LIPA: variants seen among roughly 807,000 people sequenced by gnomAD.
The protein encoded by LIPA is lysosomal acid lipase/cholesteryl ester hydrolase.
Under a neutral mutation model 40.6 loss-of-function variants are expected in LIPA, and 26 were observed. That is an observed-to-expected ratio of 0.64 (90% CI 0.47 to 0.89). LIPA has a LOEUF of 0.89. LIPA is among the 40% of genes least tolerant of loss of function. LIPA has a pLI of 0.00. For synonymous variants in LIPA, 188 were observed against 168.4 expected (o/e 1.12, Z -0.90); for missense variants, 455 against 479.6 (o/e 0.95, Z 0.48).
chr10:89,364,509 C>T (rs1296328301), intron 2 of LIPA, among the ~76,000 whole-genome samples: 1 of 151,954 alleles, frequency 6.6e-6, no homozygotes, highest in African/African-American at 2.4e-5. Flanking sequence ...TTCTTAAGGC[C>T]CATCTCTCTC....
Position 89,303,420 on chromosome 10 carries a change from C to T in LIPA, c.-2+39191G>A, listed in dbSNP as rs562956726. Among the ~76,000 whole-genome samples the T allele has an allele frequency of 3.3e-5, 5 of 152,284 alleles. No individual in the cohort carries two copies. The East Asian group carries it at 9.6e-4, about 29-fold the overall frequency. On this transcript the variant is annotated intron_variant, in intron 1 of 5. Transcript: ENST00000282673. The stretch of plus-strand genomic sequence containing the variant: ...AGCCTGGTTGATAATGTCACTGTGG[C>T]TTTCATCCAGATAAGAGGCAAAGGA...
chr10:89,294,955 G>A (rs1364142942), intron 1 of LIPA, among the ~76,000 whole-genome samples: 1 of 151,112 alleles, frequency 6.6e-6, no homozygotes. Context: ...TCCAGCCTGG[G>A]TGACAGAGCA....
intron 3 of LIPA, among the ~76,000 whole-genome samples, chr10:89,244,338 A>C (rs1196602630): frequency 6.6e-6 from 1 of 152,242 alleles, no homozygotes; most frequent in African/African-American, 2.4e-5. Flanking sequence ...TTTGCTTTGA[A>C]TAACAATTTG....
chr10:89,229,323 A>G (rs1463039323), intron 3 of LIPA, among the ~76,000 whole-genome samples: 1 of 152,246 alleles, frequency 6.6e-6, no homozygotes, highest in Non-Finnish European at 1.5e-5. Flanking sequence ...GCCAGGGGTT[A>G]GGAGGGAGGA....
chr10:89,373,227 C>T (rs12267215), intron 2 of LIPA, among the ~76,000 whole-genome samples: 6,108 of 149,544 alleles, frequency 0.041, 262 homozygotes, highest in African/African-American at 0.1. Context: ...CCCAGCTACT[C>T]GGGAGGCTGA....
At chr10:89,399,477 T>C (rs1215738941) in intron 2 of LIPA, among the ~76,000 whole-genome samples, 1 of 152,214 alleles carries the variant, frequency 6.6e-6, no homozygotes, top group Non-Finnish European at 1.5e-5. Flanking sequence ...CAAAGCTTTT[T>C]CCTTTCTTCT....
chr10:89,360,293 C>A (rs1284354197), intron 2 of LIPA, among the ~76,000 whole-genome samples: 2 of 152,050 alleles, frequency 1.3e-5, no homozygotes, highest in Non-Finnish European at 2.9e-5. Flanking sequence ...AAAAGATGGC[C>A]CATGTTGGGG....
At chr10:89,308,889 T>G (rs2133524496) in intron 1 of LIPA, 1 of 152,362 alleles carries the variant, frequency 6.6e-6, no homozygotes, top group East Asian at 1.9e-4. Flanking sequence ...TCATATATTT[T>G]CATTAATAAA....
intron 2 of LIPA, among the ~76,000 whole-genome samples, chr10:89,409,617 T>C (rs1841455129): frequency 6.6e-6 from 1 of 152,172 alleles, no homozygotes; most frequent in Admixed American, 6.5e-5. Flanking sequence ...CAGGTATGTA[T>C]AACCATTGAG....
chr10:89,334,478 C>CTT lies in LIPA; in HGVS notation c.-2+8131_-2+8132dup, dbSNP rs578154457. 3.4e-3 allele frequency among the ~76,000 whole-genome samples: 87 copies of CTT among 25,316 alleles called. 5 individuals carry two copies. Among genetic ancestry groups the CTT allele is most frequent in the Admixed American group, 6.2e-3 (11 of 1,766 alleles). The allele number at this position is 25,316 out of a possible 152,430, so 16.6% of individuals were successfully genotyped here. On this transcript the variant is annotated intron_variant, in intron 1 of 5. Transcript: ENST00000282673. Reference sequence around the variant, plus strand: ...TGTTTTTTCTTCTTTTTCTTTTATTCTTTTTTTTTTTTTTTTTTTTTTTTT... The same window carrying CTT: ...TGTTTTTTCTTCTTTTTCTTTTATTCTTTTTTTTTTTTTTTTTTTTTTTTTTT...
intron 1 of LIPA, among the ~76,000 whole-genome samples, chr10:89,336,202 G>GA: frequency 1.3e-5 from 2 of 150,294 alleles, no homozygotes; most frequent in Middle Eastern, 6.8e-3. Flanking sequence ...AGGAAAGAAG[G>GA]AAAATAGGGA....
intron 1 of LIPA, among the ~76,000 whole-genome samples, chr10:89,286,650 GC>G (rs1453404126): frequency 6.6e-6 from 1 of 152,114 alleles, no homozygotes; most frequent in African/African-American, 2.4e-5. Context: ...ATGCTTTACA[GC>G]CCTAGACCCT....
intron 1 of LIPA, among the ~76,000 whole-genome samples, chr10:89,265,097 C>T (rs934603279): frequency 2.6e-5 from 4 of 152,282 alleles, no homozygotes; most frequent in Admixed American, 6.5e-5. Context: ...CACAGCAGCA[C>T]CTAGGCTTGG....
At chr10:89,412,463 C>G (rs1314750343) in intron 2 of LIPA, among the ~76,000 whole-genome samples, 1 of 152,140 alleles carries the variant, frequency 6.6e-6, no homozygotes, top group Non-Finnish European at 1.5e-5. Flanking sequence ...GACCAATCAG[C>G]AGGATATGGG....
chr10:89,255,531 C>G (rs1843176568), upstream of LIPA, among the ~76,000 whole-genome samples: 1 of 152,156 alleles, frequency 6.6e-6, no homozygotes. Flanking sequence ...AAGGCTACCA[C>G]AATAGTCCAA....
At chr10:89,307,033 G>A (rs201873020) in intron 1 of LIPA, 1 of 1,613,902 alleles carries the variant, frequency 6.2e-7, no homozygotes, top group Non-Finnish European at 8.5e-7. Context: ...ACTTCCAAAA[G>A]GAATTCAGTA....
At chr10:89,374,418 G>A (rs1844109253) in intron 2 of LIPA, among the ~76,000 whole-genome samples, 1 of 152,050 alleles carries the variant, frequency 6.6e-6, no homozygotes, top group Non-Finnish European at 1.5e-5. Context: ...GTTCATGGCT[G>A]TATTTATCCA....
At chr10:89,384,882 G>C in intron 2 of LIPA, 1 of 649,534 alleles carries the variant, frequency 1.5e-6, no homozygotes, top group East Asian at 2.7e-5. Context: ...GAGTTATGTA[G>C]CATGCAACTG....
At chr10:89,253,032 T>C (rs948336821), upstream of LIPA, among the ~76,000 whole-genome samples, 1 of 152,154 alleles carries the variant, frequency 6.6e-6, no homozygotes, top group Admixed American at 6.5e-5. Flanking sequence ...AAACAGAATG[T>C]ACATAGTAGA....
Sources: gnomAD v4.1 joint callset for allele counts (sites outside exome capture counted in the v4.1 genomes callset) on GRCh38, gnomAD v4.1.1 for gene constraint, MANE v1.5 for transcripts, NCBI Gene and HGNC (gene_info 2026-07-23, HGNC 2026-07-21) for gene names.